Variants in SNX4 observed in about 807,000 individuals in gnomAD.
SNX4 encodes the protein sorting nexin-4.
A neutral mutation model predicts 70.8 loss-of-function variants in SNX4; 49 were observed. That is an observed-to-expected ratio of 0.69 (90% CI 0.55 to 0.88). The LOEUF is 0.88. Among genes scored for constraint, SNX4 ranks in the 40% least tolerant of loss-of-function variants. The probability of loss-of-function intolerance (pLI) is 0.00; values close to 1 mark genes in which losing one functional copy is unlikely to be tolerated. For missense variants in SNX4, 528 were observed against 544.8 expected (o/e 0.97, Z 0.31); for synonymous variants, 206 against 183.8 (o/e 1.12, Z -0.98).
intron 11 of SNX4, among the ~76,000 whole-genome samples, chr3:125,454,165 C>T (rs1933650828): frequency 6.6e-6 from 1 of 152,172 alleles, no homozygotes. Context: ...CCAGTGTTTA[C>T]ACTGTATTAG....
chr3:125,499,472 T>G (rs1934877599), intron 2 of SNX4, among the ~76,000 whole-genome samples: 1 of 152,122 alleles, frequency 6.6e-6, no homozygotes, highest in African/African-American at 2.4e-5. Flanking sequence ...CATTGCATAT[T>G]AATAAAAATG....
chr3:125,515,356 AAT>A (rs3030891), intron 1 of SNX4, among the ~76,000 whole-genome samples: 73,093 of 143,314 alleles, frequency 0.51, 18,631 homozygotes, highest in African/African-American at 0.7. Context: ...TGTCTCAAAA[AAT>A]ATATATATAT....
chr3:125,486,712 T>G (rs550946973), intron 6 of SNX4, among the ~76,000 whole-genome samples: 1 of 152,118 alleles, frequency 6.6e-6, no homozygotes, highest in African/African-American at 2.4e-5. Context: ...TGCAACAATA[T>G]AAGATGCTCA....
intron 2 of SNX4, among the ~76,000 whole-genome samples, chr3:125,502,093 T>C (rs982335798): frequency 3.3e-5 from 5 of 152,256 alleles, no homozygotes; most frequent in African/African-American, 1.2e-4. Context: ...TCCTTTTTCA[T>C]TGTAAACTTA....
intron 2 of SNX4, among the ~76,000 whole-genome samples, chr3:125,503,834 A>G (rs1038096328): frequency 6.6e-6 from 1 of 152,196 alleles, no homozygotes; most frequent in African/African-American, 2.4e-5. Flanking sequence ...CCACAAAATA[A>G]ATTCATTAAA....
At chr3:125,515,446 G>A (rs138355965) in intron 1 of SNX4, among the ~76,000 whole-genome samples, 1,727 of 151,726 alleles carry the variant, frequency 0.011, 14 homozygotes, top group Non-Finnish European at 0.015. Flanking sequence ...AGGATCACTG[G>A]AGCCCAGATG....
At chr3:125,470,051 C>T (rs1934125924) in intron 8 of SNX4, among the ~76,000 whole-genome samples, 1 of 152,090 alleles carries the variant, frequency 6.6e-6, no homozygotes, top group African/African-American at 2.4e-5. Flanking sequence ...ACTAGAGCCA[C>T]AGATCATTTT....
At chr3:125,471,452 T>C (rs899785694) in intron 8 of SNX4, among the ~76,000 whole-genome samples, 1 of 151,864 alleles carries the variant, frequency 6.6e-6, no homozygotes, top group Non-Finnish European at 1.5e-5. Flanking sequence ...TTTGTGTCTT[T>C]GAGCTCTGAG....
At chr3:125,462,109 C>G (rs1050311169) in intron 9 of SNX4, among the ~76,000 whole-genome samples, 1 of 152,190 alleles carries the variant, frequency 6.6e-6, no homozygotes, top group Non-Finnish European at 1.5e-5. Context: ...CTCAACACCT[C>G]TAGGAAATTT....
intron 13 of SNX4, among the ~76,000 whole-genome samples, chr3:125,448,226 G>A (rs1238694386): frequency 6.6e-6 from 1 of 151,098 alleles, no homozygotes; most frequent in Non-Finnish European, 1.5e-5. Flanking sequence ...CAGGGCTCAA[G>A]GGATCCTCCC....
intron 5 of SNX4, among the ~76,000 whole-genome samples, chr3:125,495,275 T>TATATATATATAC: frequency 1.3e-4 from 11 of 83,060 alleles, no homozygotes; most frequent in Admixed American, 5.2e-4. Context: ...TATATATATA[T>TATATATATATAC]ATACACATAC....
intron 10 of SNX4, among the ~76,000 whole-genome samples, chr3:125,458,022 ATAAT>A (rs1933767372): frequency 6.6e-6 from 1 of 152,184 alleles, no homozygotes; most frequent in African/African-American, 2.4e-5. Flanking sequence ...ATATGTATAC[ATAAT>A]TACATACATA....
At chr3:125,507,378 A>G (rs1935072316) in intron 1 of SNX4, among the ~76,000 whole-genome samples, 1 of 152,078 alleles carries the variant, frequency 6.6e-6, no homozygotes, top group African/African-American at 2.4e-5. Flanking sequence ...ATGGAAGGAA[A>G]GTAAACAGAG....
At chr3:125,476,853 A>C in intron 7 of SNX4, 97 bp from the exon 8 acceptor site, 1 of 669,090 alleles carries the variant, frequency 1.5e-6, no homozygotes, top group Non-Finnish European at 2.6e-6. Flanking sequence ...TACTACAATA[A>C]ACTTGGAAAT....
At chr3:125,454,540 T>A (rs1933660422) in intron 11 of SNX4, among the ~76,000 whole-genome samples, 1 of 152,158 alleles carries the variant, frequency 6.6e-6, no homozygotes, top group South Asian at 2.1e-4. Context: ...GACTGCTGAT[T>A]TAAAGTATAC....
intron 1 of SNX4, among the ~76,000 whole-genome samples, chr3:125,510,027 C>T (rs2107571112): frequency 6.6e-6 from 1 of 152,200 alleles, no homozygotes; most frequent in South Asian, 2.1e-4. Flanking sequence ...AATGGTGCAG[C>T]TGCTGTAGAA....
At chr3:125,461,246 A>C (rs1322862342) in intron 9 of SNX4, among the ~76,000 whole-genome samples, 2 of 152,122 alleles carry the variant, frequency 1.3e-5, no homozygotes, top group Non-Finnish European at 1.5e-5. Flanking sequence ...AGACAAACAA[A>C]CAAACAAAAA....
intron 9 of SNX4, among the ~76,000 whole-genome samples, chr3:125,462,121 C>T (rs960204814): frequency 1.7e-4 from 26 of 152,302 alleles, no homozygotes; most frequent in African/African-American, 5.5e-4. Context: ...AGGAAATTTT[C>T]CCAGACTGCT....
chr3:125,466,097 CATTAA>C (rs1193648727), intron 9 of SNX4, among the ~76,000 whole-genome samples: 10 of 151,494 alleles, frequency 6.6e-5, no homozygotes, highest in South Asian at 2.1e-4. Context: ...TCATATCTTT[CATTAA>C]ATTAATACCT....
Sources: gnomAD v4.1 joint callset for allele counts (sites outside exome capture counted in the v4.1 genomes callset) on GRCh38, gnomAD v4.1.1 for gene constraint, MANE v1.5 for transcripts, NCBI Gene and HGNC (gene_info 2026-07-23, HGNC 2026-07-21) for gene names.